The following PLEKHA7 variants were observed in gnomAD, a reference collection of about 807,000 sequenced individuals.
PLEKHA7 encodes the protein pleckstrin homology domain-containing family A member 7.
Under a neutral mutation model 170.0 loss-of-function variants are expected in PLEKHA7, and 104 were observed. The observed-to-expected ratio is 0.61, with a 90% CI of 0.52 to 0.72. The LOEUF (loss-of-function observed/expected upper bound fraction) is 0.72. Ranked by LOEUF, PLEKHA7 falls within the 30% of genes least tolerant of loss-of-function variation. The probability of loss-of-function intolerance (pLI) is 0.00; values close to 1 mark genes in which losing one functional copy is unlikely to be tolerated. For synonymous variants in PLEKHA7, 648 were observed against 660.8 expected, an observed-to-expected ratio of 0.98 and a Z score of 0.30; for missense variants, 1,615 against 1,671.7, an observed-to-expected ratio of 0.97 and a Z score of 0.59.
intron 9 of PLEKHA7, among the ~76,000 whole-genome samples, chr11:16,835,274 T>C (rs961825913): frequency 1.3e-5 from 2 of 151,894 alleles, no homozygotes; most frequent in African/African-American, 4.8e-5. Flanking sequence ...TTGTCTCAAA[T>C]AAAAAAGTGA....
At chr11:16,793,909 T>C (rs1406095382) in intron 19 of PLEKHA7, among the ~76,000 whole-genome samples, 1 of 152,224 alleles carries the variant, frequency 6.6e-6, no homozygotes, top group Non-Finnish European at 1.5e-5. Context: ...GATTCACTAG[T>C]TAGCATGGAG....
At chr11:16,800,898 G>A (rs1188759514) in intron 17 of PLEKHA7, 76 bp downstream of exon 17, 2 of 1,260,222 alleles carry the variant, frequency 1.6e-6, no homozygotes, top group South Asian at 1.2e-5. Context: ...ACCCCCACAG[G>A]TGAAGTCTCT....
chr11:16,789,470 C>T lies in PLEKHA7; in HGVS notation c.3157-174G>A. ...CCTCTAAGCAACACGATGCCCCCAA[C>T]CCTCAGGAGCTTTCTGAGTAGCACC... is the stretch of plus-strand genomic sequence containing the variant. On this transcript the variant is annotated intron_variant, in intron 22 of 26. Transcript: ENST00000531066. The surrounding 1 kb of genome is among the most constrained non-coding windows in gnomAD (Gnocchi z 4.6). 1 of 658,132 alleles carries T rather than the reference C, an allele frequency of 1.5e-6. No individual in the cohort carries two copies. The highest frequency in any genetic ancestry group is 2.6e-6 in the Non-Finnish European group (1 of 385,084). The allele number at this position is 658,132 out of a possible 1,614,324, so 40.8% of individuals were successfully genotyped here. A position where few individuals can be genotyped will look rare whatever the true frequency, so the allele number is the denominator to read the frequency against.
intron 3 of PLEKHA7, among the ~76,000 whole-genome samples, chr11:16,994,059 A>C (rs969748376): frequency 1.3e-5 from 2 of 152,214 alleles, no homozygotes; most frequent in African/African-American, 4.8e-5. Flanking sequence ...GACGATACAC[A>C]CATCAGTTTT....
intron 3 of PLEKHA7, among the ~76,000 whole-genome samples, chr11:16,978,975 G>C (rs561470874): frequency 6.6e-6 from 1 of 152,034 alleles, no homozygotes. Flanking sequence ...TCTAAAACAG[G>C]CCTCCCTCCC....
At chr11:16,965,155 A>C (rs936594617) in intron 3 of PLEKHA7, among the ~76,000 whole-genome samples, 3 of 84,028 alleles carry the variant, frequency 3.6e-5, no homozygotes, top group Non-Finnish European at 7.2e-5. Flanking sequence ...CAAAATATAC[A>C]AAAAAAAACC....
chr11:16,802,734 G>A (rs1204537342), intron 15 of PLEKHA7, among the ~76,000 whole-genome samples: 1 of 152,114 alleles, frequency 6.6e-6, no homozygotes, highest in African/African-American at 2.4e-5. Context: ...TTTTAGTGGA[G>A]ACAGGGTTTC....
At chr11:16,945,741 G>C (rs1860989286) in intron 3 of PLEKHA7, among the ~76,000 whole-genome samples, 1 of 152,210 alleles carries the variant, frequency 6.6e-6, no homozygotes, top group African/African-American at 2.4e-5. Context: ...GAGGTCCTTA[G>C]CAGATCTGAA....
intron 17 of PLEKHA7, 162 bp from the exon 18 acceptor site, chr11:16,795,180 T>G (rs1848134686): frequency 3.3e-6 from 2 of 601,630 alleles, no homozygotes; most frequent in Non-Finnish European, 5.9e-6. Context: ...GCTTTCTAGG[T>G]AAGCATAGAC....
chr11:16,923,326 C>T (rs1859237598), intron 3 of PLEKHA7, among the ~76,000 whole-genome samples: 1 of 152,196 alleles, frequency 6.6e-6, no homozygotes, highest in African/African-American at 2.4e-5. Context: ...GTACCAGCAG[C>T]TCAGGGCAGG....
intron 3 of PLEKHA7, among the ~76,000 whole-genome samples, chr11:16,994,505 C>G (rs974612884): frequency 6.6e-6 from 1 of 152,084 alleles, no homozygotes; most frequent in African/African-American, 2.4e-5. Flanking sequence ...CCCACCCCTG[C>G]GGACATAGGT....
Position 16,851,285 on chromosome 11 carries a change from C to A in PLEKHA7, c.602G>T (p.Arg201Leu). The change falls in exon 8 of 27, where the codon CGA (arginine) becomes CTA (leucine). Residue 201 changes from arginine (R) to leucine (L), a missense_variant. By Grantham distance (102) the Arg-to-Leu change is moderately radical. Transcript: ENST00000531066. ...DYCLFYYKDS[R>L]EEAVLGSIPL... ...GATGCTCCCGAGGACCGCTTCTTCT[C>A]GGCTGTCTTTGAATGGAAAAATGCA... The A allele has an allele frequency of 6.2e-7, 1 of 1,609,866 alleles. No homozygotes were observed. Among genetic ancestry groups the A allele is most frequent in the South Asian group, 1.1e-5 (1 of 89,984 alleles).
intron 3 of PLEKHA7, among the ~76,000 whole-genome samples, chr11:16,896,621 C>T (rs1857011417): frequency 6.6e-6 from 1 of 152,160 alleles, no homozygotes; most frequent in Non-Finnish European, 1.5e-5. Flanking sequence ...CCACATATTC[C>T]CAATTCTCTT....
chr11:16,879,735 C>A (rs1004315616), intron 3 of PLEKHA7, among the ~76,000 whole-genome samples: 4 of 152,210 alleles, frequency 2.6e-5, no homozygotes, highest in African/African-American at 9.6e-5. Context: ...TCACAACTTG[C>A]AAAGAGGGAA....
chr11:16,835,478 T>A (rs1851441788), intron 9 of PLEKHA7, among the ~76,000 whole-genome samples: 1 of 152,078 alleles, frequency 6.6e-6, no homozygotes, highest in Non-Finnish European at 1.5e-5. Context: ...AGGAGACTCA[T>A]CATTGAGATC....
intron 3 of PLEKHA7, among the ~76,000 whole-genome samples, chr11:16,965,172 CAT>C (rs1424165328): frequency 6.6e-6 from 1 of 151,566 alleles, no homozygotes; most frequent in Non-Finnish European, 1.5e-5. Flanking sequence ...AACCCAAAAA[CAT>C]AAGTCAGGTG....
intron 4 of PLEKHA7, among the ~76,000 whole-genome samples, chr11:16,866,592 C>CA (rs1854415915): frequency 6.6e-6 from 1 of 151,818 alleles, no homozygotes; most frequent in Admixed American, 6.6e-5. Context: ...AACTCTGTCT[C>CA]AAAAAACAAA....
rs217764 is a variant in PLEKHA7 at position 16,778,035 on chromosome 11, T to C, written c.*963A>G. ...CTGTAATCCCAACACTTTGGGATGC[T>C]GAAGCGGATGAATCACCTGAGGTCA... is the stretch of plus-strand genomic sequence containing the variant. On this transcript the variant is annotated 3_prime_UTR_variant, in exon 27 of 27. Coordinates refer to ENST00000531066, the MANE Select transcript of PLEKHA7 (RefSeq NM_001329630.2). 0.71 allele frequency: 108,245 copies of C among 152,136 alleles called. 38,948 individuals carry two copies. Among genetic ancestry groups the C allele is most frequent in the East Asian group, 0.77 (4,008 of 5,180 alleles). The allele number at this position is 152,136 out of a possible 1,614,324, so 9.4% of individuals were successfully genotyped here.
intron 4 of PLEKHA7, among the ~76,000 whole-genome samples, chr11:16,862,205 C>A (rs1297439934): frequency 6.6e-6 from 1 of 152,168 alleles, no homozygotes; most frequent in Admixed American, 6.5e-5. Flanking sequence ...CCCCACTCTA[C>A]CCCAGGAGCT....
Sources: allele counts gnomAD v4.1 joint callset (sites outside exome capture counted in the v4.1 genomes callset), GRCh38; gene constraint gnomAD v4.1.1; non-coding constraint Gnocchi (gnomAD v3.1); transcripts MANE v1.5; gene names NCBI Gene and HGNC (gene_info 2026-07-23, HGNC 2026-07-21).